SLC38A10: variants seen among roughly 807,000 people sequenced by gnomAD.
SLC38A10 encodes the protein solute carrier family 38 member 10.
A neutral mutation model predicts 81.0 loss-of-function variants in SLC38A10; 53 were observed. The observed-to-expected ratio is 0.65, with a 90% confidence interval of 0.53 to 0.82. The LOEUF (loss-of-function observed/expected upper bound fraction) is 0.82. Among genes scored for constraint, SLC38A10 ranks in the 40% least tolerant of loss-of-function variants. The pLI is 0.00. For missense variants in SLC38A10, 1,471 were observed against 1,545.0 expected, an observed-to-expected ratio of 0.95 and a Z score of 0.80; for synonymous variants, 665 against 655.3, an observed-to-expected ratio of 1.01 and a Z score of -0.23.
chr17:81,249,973 G>A (rs752107648), intron 14 of SLC38A10: 16 of 1,130,788 alleles, frequency 1.4e-5, no homozygotes, highest in Admixed American at 2.8e-5. Context: ...CCCATGCAGG[G>A]CTGTCCCTGG....
intron 14 of SLC38A10, chr17:81,250,158 C>G: frequency 7.9e-7 from 1 of 1,265,978 alleles, no homozygotes; most frequent in Non-Finnish European, 1.0e-6. Flanking sequence ...AAGTCTTTTT[C>G]AGAAAGAAGA....
intron 4 of SLC38A10, 53 bp from the exon 5 acceptor site, chr17:81,282,385 G>C (rs1031047921): frequency 1.2e-5 from 19 of 1,560,086 alleles, no homozygotes; most frequent in Non-Finnish European, 1.6e-5. Flanking sequence ...GCTCACCACC[G>C]GGCTCTCTGC....
At chr17:81,246,727 G>C in intron 15 of SLC38A10, 54 bp from the exon 16 acceptor site, 1 of 1,500,838 alleles carries the variant, frequency 6.7e-7, no homozygotes, top group Middle Eastern at 1.8e-4. Context: ...CAGGCTGCCA[G>C]TGGAGGGGCT....
At chr17:81,287,739 T>G (rs775910129) in intron 2 of SLC38A10, among the ~76,000 whole-genome samples, 2 of 152,222 alleles carry the variant, frequency 1.3e-5, no homozygotes, top group African/African-American at 4.8e-5. Context: ...GTCCTTCACA[T>G]GTAGCCAAAC....
rs755571979 is a variant in SLC38A10, at chr17:81,245,623, C to A, written c.3293G>T (p.Gly1098Val). Residue 1098 changes from glycine to valine, a missense_variant, in exon 16 of 16, where the codon GGG becomes GTG. By Grantham distance (109) the Gly-to-Val change is moderately radical (BLOSUM62 -3). Coordinates refer to ENST00000374759, the MANE Select transcript of SLC38A10 (RefSeq NM_001037984.3). ...GCTGTGGACCACCTGCAGAGCTCCC[C>A]CCGCAGCCTGGCGGAGCTGGGCATC... is the stretch of plus-strand genomic sequence containing the variant. ...ALDAQLRQAAGGALQVVHSRQ... is the reference protein window; with the variant it reads ...ALDAQLRQAAVGALQVVHSRQ... 1 of 1,612,312 alleles carries A rather than the reference C, an allele frequency of 6.2e-7. No homozygotes were observed. The highest frequency in any genetic ancestry group is 1.1e-5 in the South Asian group (1 of 91,050).
rs756800378 is a variant in SLC38A10 at position 81,245,532 on chromosome 17, C to T, written c.*24G>A. The T allele has an allele frequency of 5.4e-5, 85 of 1,564,828 alleles. No individual in the cohort carries two copies. The highest frequency in any genetic ancestry group is 6.4e-5 in the Non-Finnish European group (74 of 1,155,066). ...GCTGGCCGAGGAGGGCAGTGGCTGG[C>T]GTGGCCCTCATGGCCAGCAGGTGCT... is the stretch of plus-strand genomic sequence containing the variant. On this transcript the variant is annotated 3_prime_UTR_variant, in exon 16 of 16. Coordinates refer to ENST00000374759, the MANE Select transcript of SLC38A10 (RefSeq NM_001037984.3).
chr17:81,249,051 A>G (rs2062879707), intron 14 of SLC38A10, among the ~76,000 whole-genome samples: 1 of 152,012 alleles, frequency 6.6e-6, no homozygotes, highest in Non-Finnish European at 1.5e-5. Flanking sequence ...TCAATGGTAC[A>G]AGGACGAGAT....
At position 81,282,335 on chromosome 17, in the gene SLC38A10, G is replaced by A. The variant is rs1388085072; in HGVS notation, c.358-3C>T. The stretch of plus-strand genomic sequence containing the variant: ...AACATGCGGAAGGTGCCGCCCACCT[G>A]CGGGGAGCCGGCAGGGGGTCTTGGC... On this transcript the variant is annotated splice_polypyrimidine_tract_variant and splice_region_variant and intron_variant, in intron 4 of 15. Transcript: ENST00000374759. 6.2e-6 allele frequency: 10 copies of A among 1,606,176 alleles called. No individual in the cohort carries two copies. The highest frequency in any genetic ancestry group is 8.5e-6 in the Non-Finnish European group (10 of 1,176,776).
rs2063173194 is a variant in SLC38A10 at position 81,277,555 on chromosome 17, G to T, written c.627-422C>A. 6.6e-6 allele frequency among the ~76,000 whole-genome samples: 1 copy of T among 152,174 alleles called. No homozygotes were observed. Among genetic ancestry groups the T allele is most frequent in the Admixed American group, 6.5e-5 (1 of 15,278 alleles). On this transcript the variant is annotated intron_variant, in intron 6 of 15. Transcript: ENST00000374759. This position sits in a 1 kb window ranked among gnomAD's most constrained non-coding sequence, Gnocchi z 4.5. ...CCCATCTCGGCGCCTCCATCTCGGC[G>T]CCTCCGCACAGGCATGATCAGAGTC...
chr17:81,283,454 G>T lies in SLC38A10; in HGVS notation c.312C>A (p.Ile104=). Residue 104 remains isoleucine, a synonymous_variant, in exon 4 of 16, where the codon ATC becomes ATA. Coordinates refer to ENST00000374759, the MANE Select transcript of SLC38A10 (RefSeq NM_001037984.3). The surrounding 1 kb of genome is among the most constrained non-coding windows in gnomAD (Gnocchi z 4.7). The stretch of plus-strand genomic sequence containing the variant: ...CAAAGAAGTTGGACCCCAAGTCGCC[G>T]ATCACGACGTAGAAGGCGATGCAGG... The part of the protein sequence containing the change: ...LGTCIAFYVV[I]GDLGSNFFAR... 1 of 1,612,486 alleles carries T rather than the reference G, an allele frequency of 6.2e-7. No individual in the cohort carries two copies. The highest frequency in any genetic ancestry group is 1.1e-5 in the South Asian group (1 of 90,858).
intron 14 of SLC38A10, among the ~76,000 whole-genome samples, chr17:81,249,435 G>GAAGAGA (rs2146881279): frequency 6.6e-6 from 1 of 151,724 alleles, no homozygotes; most frequent in East Asian, 1.9e-4. Flanking sequence ...GAGAAGGAGG[G>GAAGAGA]AGGGAGAAGG....
rs974457767 is a variant in SLC38A10, at chr17:81,267,895, A to C, written c.1131+3023T>G. ...ATCATTGGGACTAAGCAGACAAGAC[A>C]AGAGAGCACAACAGCCTAGAGCCTG... On this transcript the variant is annotated intron_variant, in intron 10 of 15. Transcript: ENST00000374759. Among the ~76,000 whole-genome samples the C allele has an allele frequency of 2.0e-5, 3 of 151,700 alleles. No individual in the cohort carries two copies. The South Asian group carries it at 6.3e-4, about 32-fold the overall frequency.
rs962357684 is a variant in SLC38A10 at position 81,270,716 on chromosome 17, T to A, written c.1131+202A>T. On this transcript the variant is annotated intron_variant, in intron 10 of 15. Coordinates refer to ENST00000374759, the MANE Select transcript of SLC38A10 (RefSeq NM_001037984.3). The surrounding 1 kb of genome is among the most constrained non-coding windows in gnomAD (Gnocchi z 4.0). The stretch of plus-strand genomic sequence containing the variant: ...CCGATGCACAGCTTGAGCAGCTTAG[T>A]GTGGCCCTGCTGGGCAAAGACCGTG... Among the ~76,000 whole-genome samples, 11 of 152,184 alleles carry A rather than the reference T, an allele frequency of 7.2e-5. No homozygotes were observed. Among genetic ancestry groups the A allele is most frequent in the Non-Finnish European group, 1.2e-4 (8 of 68,030 alleles).
rs112928188 is a variant in SLC38A10, at chr17:81,282,460, G to A, written c.358-128C>T. On this transcript the variant is annotated intron_variant, in intron 4 of 15. Transcript: ENST00000374759. ...CGGCATCCAGGTGAATGACGCCGGCGGGTCTGAGGCTGGCACACTCGCCCG... is the reference window on the plus strand; with the variant it reads ...CGGCATCCAGGTGAATGACGCCGGCAGGTCTGAGGCTGGCACACTCGCCCG... 85 of 1,319,272 alleles carry A rather than the reference G, an allele frequency of 6.4e-5. No homozygotes were observed. In the African/African-American group the frequency reaches 7.9e-4, roughly 12 times the overall value. 81.7% of individuals were successfully genotyped at this position (1,319,272 alleles called of 1,614,324 possible).
At chr17:81,251,252 G>A (rs1294163263) in intron 14 of SLC38A10, 1 of 1,469,236 alleles carries the variant, frequency 6.8e-7, no homozygotes, top group East Asian at 2.2e-5. Context: ...GTAATCACAA[G>A]CCATGTGACG....
rs2146872281 is a variant in SLC38A10 at position 81,245,853 on chromosome 17, C to T, written c.3063G>A (p.Gly1021=). Residue 1021 remains glycine, a synonymous_variant, in exon 16 of 16, where the codon GGG becomes GGA. Transcript: ENST00000374759. ...GGCCCCCCGGGACAGCTCGTTTGAGCCCCAGCTCTGGCTCTGGCCTCTGCC... is the reference window on the plus strand; with the variant it reads ...GGCCCCCCGGGACAGCTCGTTTGAGTCCCAGCTCTGGCTCTGGCCTCTGCC... ...EPRQRPEPEL[G]LKRAVPGGQR... is the part of the protein sequence containing the mutation. 6.2e-7 allele frequency: 1 copy of T among 1,612,240 alleles called. No homozygotes were observed. Among genetic ancestry groups the T allele is most frequent in the Non-Finnish European group, 8.5e-7 (1 of 1,179,614 alleles).
At chr17:81,248,096 T>C (rs544301491) in intron 14 of SLC38A10, among the ~76,000 whole-genome samples, 1 of 151,768 alleles carries the variant, frequency 6.6e-6, no homozygotes, top group South Asian at 2.1e-4. Flanking sequence ...TAGCTGGGAC[T>C]ACAGACGCCC....
At chr17:81,255,530 A>C (rs2062964018) in intron 11 of SLC38A10, among the ~76,000 whole-genome samples, 1 of 152,152 alleles carries the variant, frequency 6.6e-6, no homozygotes, top group African/African-American at 2.4e-5. Context: ...GCTCCTCGGG[A>C]GGGAGGAGAT....
chr17:81,292,819 C>T (rs79241680), intron 1 of SLC38A10, among the ~76,000 whole-genome samples: 7 of 152,314 alleles, frequency 4.6e-5, no homozygotes, highest in Admixed American at 2.0e-4. Context: ...GCCCCTTCCA[C>T]GGTGGCACTT....
Sources: allele counts gnomAD v4.1 joint callset (sites outside exome capture counted in the v4.1 genomes callset), GRCh38; gene constraint gnomAD v4.1.1; non-coding constraint Gnocchi (gnomAD v3.1); transcripts MANE v1.5; gene names NCBI Gene and HGNC (gene_info 2026-07-23, HGNC 2026-07-21).